The following RTN1 variants were observed in gnomAD, a reference collection of about 807,000 sequenced individuals.
RTN1 encodes reticulon-1.
RTN1 carries 25 observed loss-of-function variants against 65.5 expected under a neutral mutation model. That is an observed-to-expected ratio of 0.38 (90% CI 0.28 to 0.53). The LOEUF (loss-of-function observed/expected upper bound fraction) is 0.53, where lower values mean the gene tolerates loss of function less well. RTN1 is among the 20% of genes least tolerant of loss of function. The pLI is 0.79. For synonymous variants in RTN1, 471 were observed against 447.6 expected (o/e 1.05, Z -0.66); for missense variants, 983 against 1,025.4 (o/e 0.96, Z 0.57).
chr14:59,844,776 C>T (rs959949439), intron 1 of RTN1, among the ~76,000 whole-genome samples: 2 of 152,002 alleles, frequency 1.3e-5, no homozygotes, highest in Non-Finnish European at 2.9e-5. Context: ...AAAAAGATAA[C>T]GACTTAGGGA....
intron 3 of RTN1, among the ~76,000 whole-genome samples, chr14:59,683,585 T>TA (rs1883786553): frequency 6.6e-6 from 1 of 152,066 alleles, no homozygotes; most frequent in Non-Finnish European, 1.5e-5. Flanking sequence ...TTCTGAAAAC[T>TA]TTCTTTGTTT....
rs1884813656 is a variant in RTN1, at chr14:59,727,826, G to A, written c.1016-158C>T. On this transcript the variant is annotated intron_variant, in intron 2 of 8. Coordinates refer to ENST00000267484, the MANE Select transcript of RTN1 (RefSeq NM_021136.3). The surrounding 1 kb of genome is among the most constrained non-coding windows in gnomAD (Gnocchi z 4.2). ...TTAGCACAAAAATAATCTGTTTCCA[G>A]GGCTATGCTGGAAAGACAGGCCACC... The A allele has an allele frequency of 2.7e-6, 3 of 1,102,764 alleles. No individual in the cohort carries two copies. Among genetic ancestry groups the A allele is most frequent in the African/African-American group, 3.2e-5 (2 of 62,290 alleles). The allele number at this position is 1,102,764 out of a possible 1,614,324, so 68.3% of individuals were successfully genotyped here. A position where few individuals can be genotyped will look rare whatever the true frequency, so the allele number is the denominator to read the frequency against.
chr14:59,842,525 A>G (rs1436257161), intron 1 of RTN1, among the ~76,000 whole-genome samples: 1 of 152,120 alleles, frequency 6.6e-6, no homozygotes, highest in Non-Finnish European at 1.5e-5. Flanking sequence ...AGATCCATAC[A>G]ATGCACATCT....
chr14:59,814,926 A>G (rs1255383868), intron 1 of RTN1, among the ~76,000 whole-genome samples: 3 of 152,230 alleles, frequency 2.0e-5, no homozygotes, highest in African/African-American at 7.2e-5. Flanking sequence ...TGCAGTAGTT[A>G]GAATCAGCTA....
chr14:59,672,145 T>C (rs571230793), intron 3 of RTN1, among the ~76,000 whole-genome samples: 33 of 152,228 alleles, frequency 2.2e-4, no homozygotes, highest in African/African-American at 7.9e-4. Flanking sequence ...CTTATCAGCC[T>C]TACTACTTTA....
chr14:59,753,603 T>C (rs1362636491), intron 1 of RTN1, among the ~76,000 whole-genome samples: 1 of 152,190 alleles, frequency 6.6e-6, no homozygotes, highest in Admixed American at 6.5e-5. Flanking sequence ...AGAACTCTTG[T>C]AAACAGAAAG....
rs748919793 is a variant in RTN1 at position 59,794,370 on chromosome 14, A to G, written c.242-47889T>C. ...GGAATTATAGACAAAAAGCATCACA[A>G]ACTTGAAAGTATTCTAAGCCACTGG... On this transcript the variant is annotated intron_variant, in intron 1 of 8. Transcript: ENST00000267484. This position sits in a 1 kb window ranked among gnomAD's most constrained non-coding sequence, Gnocchi z 5.1. Among the ~76,000 whole-genome samples the G allele has an allele frequency of 6.6e-6, 1 of 152,198 alleles. No individual in the cohort carries two copies. The highest frequency in any genetic ancestry group is 1.5e-5 in the Non-Finnish European group (1 of 68,034).
Position 59,849,359 on chromosome 14 carries a change from C to G in RTN1, c.241+21031G>C, listed in dbSNP as rs139504117. Among the ~76,000 whole-genome samples the G allele has an allele frequency of 7.2e-5, 11 of 152,244 alleles. No homozygotes were observed. The highest frequency in any genetic ancestry group is 2.6e-4 in the African/African-American group (11 of 41,540). On this transcript the variant is annotated intron_variant, in intron 1 of 8. Coordinates refer to ENST00000267484, the MANE Select transcript of RTN1 (RefSeq NM_021136.3). This position sits in a 1 kb window ranked among gnomAD's most constrained non-coding sequence, Gnocchi z 4.5. The stretch of plus-strand genomic sequence containing the variant: ...TATAGAGTACATTTTCATATTTGAG[C>G]ATGGTAAAAGAAAAACCAATTAACT...
chr14:59,749,210 CTA>C (rs1178952993), intron 1 of RTN1, among the ~76,000 whole-genome samples: 11 of 63,530 alleles, frequency 1.7e-4, no homozygotes, highest in Non-Finnish European at 1.8e-4. Context: ...ATATATATAT[CTA>C]TATATATCTA....
intron 1 of RTN1, among the ~76,000 whole-genome samples, chr14:59,819,758 G>A (rs952199076): frequency 2.6e-5 from 4 of 152,140 alleles, no homozygotes; most frequent in Admixed American, 6.5e-5. Flanking sequence ...AGCACTGCGC[G>A]GGGAGGCCTA....
At chr14:59,705,796 G>A (rs998647732) in intron 3 of RTN1, among the ~76,000 whole-genome samples, 13 of 152,136 alleles carry the variant, frequency 8.5e-5, no homozygotes, top group Non-Finnish European at 1.3e-4. Flanking sequence ...GGCAAGCACT[G>A]TGTCTTACTC....
chr14:59,674,569 A>G (rs1195160062), intron 3 of RTN1, among the ~76,000 whole-genome samples: 1 of 152,240 alleles, frequency 6.6e-6, no homozygotes, highest in Non-Finnish European at 1.5e-5. Context: ...CTTTACCTAA[A>G]GCCAGAGGGA....
chr14:59,739,769 A>G (rs945024509), intron 2 of RTN1, among the ~76,000 whole-genome samples: 1 of 152,192 alleles, frequency 6.6e-6, no homozygotes, highest in Admixed American at 6.5e-5. Flanking sequence ...GGTGAGCCTG[A>G]GTGAATAAAA....
intron 3 of RTN1, among the ~76,000 whole-genome samples, chr14:59,724,677 G>A (rs1479081630): frequency 1.3e-5 from 2 of 150,974 alleles, no homozygotes; most frequent in African/African-American, 4.9e-5. Flanking sequence ...CCAAGATCAC[G>A]CCATTGCACT....
At chr14:59,624,682 G>C (rs984669836) in intron 3 of RTN1, among the ~76,000 whole-genome samples, 1 of 152,030 alleles carries the variant, frequency 6.6e-6, no homozygotes, top group Non-Finnish European at 1.5e-5. Flanking sequence ...GGCTGGTCTC[G>C]AACTCCTGAC....
At chr14:59,827,953 G>A (rs1052112902) in intron 1 of RTN1, among the ~76,000 whole-genome samples, 9 of 152,136 alleles carry the variant, frequency 5.9e-5, no homozygotes, top group Admixed American at 1.3e-4. Flanking sequence ...AAGTTCTCCC[G>A]TACAAGAGGA....
At chr14:59,674,288 C>T (rs961665206) in intron 3 of RTN1, among the ~76,000 whole-genome samples, 1 of 152,210 alleles carries the variant, frequency 6.6e-6, no homozygotes, top group African/African-American at 2.4e-5. Flanking sequence ...AACATATTTG[C>T]ACTAGGTAGT....
chr14:59,596,647 AGGGG>A lies in RTN1; in HGVS notation c.*94_*97del. 1.1e-6 allele frequency: 1 copy of A among 916,616 alleles called. No homozygotes were observed. Among genetic ancestry groups the A allele is most frequent in the Non-Finnish European group, 1.8e-6 (1 of 547,386 alleles). 56.8% of individuals were successfully genotyped at this position (916,616 alleles called of 1,614,324 possible). ...TCTCTAAGATTATGGTACTGGAGGG[AGGGG>A]GGAAAGACAATCAATTTGCAGTAAT... On this transcript the variant is annotated 3_prime_UTR_variant, in exon 9 of 9. Transcript: ENST00000267484.
At chr14:59,801,205 T>C (rs1886539950) in intron 1 of RTN1, among the ~76,000 whole-genome samples, 2 of 152,072 alleles carry the variant, frequency 1.3e-5, no homozygotes, top group South Asian at 4.1e-4. Flanking sequence ...GCTGAGAACT[T>C]TCCAAAATTA....
Sources: allele counts gnomAD v4.1 joint callset (sites outside exome capture counted in the v4.1 genomes callset), GRCh38; gene constraint gnomAD v4.1.1; non-coding constraint Gnocchi (gnomAD v3.1); transcripts MANE v1.5; gene names NCBI Gene and HGNC (gene_info 2026-07-23, HGNC 2026-07-21).